PLCB1: variants seen among roughly 807,000 people sequenced by gnomAD.
The protein encoded by PLCB1 is phospholipase C beta 1, also known as 1-phosphatidylinositol 4,5-bisphosphate phosphodiesterase beta-1.
PLCB1 carries 46 observed loss-of-function variants against 161.8 expected under a neutral mutation model. That is an observed-to-expected ratio of 0.28 (90% CI 0.22 to 0.36). The LOEUF (loss-of-function observed/expected upper bound fraction) is 0.36. PLCB1 is among the 10% of genes least tolerant of loss of function. The pLI is 1.00. For missense variants in PLCB1, 1,016 were observed against 1,472.5 expected (o/e 0.69, Z 5.07); for synonymous variants, 517 against 503.7 (o/e 1.03, Z -0.35).
intron 3 of PLCB1, among the ~76,000 whole-genome samples, chr20:8,391,953 C>G (rs1484820130): frequency 6.6e-6 from 1 of 151,450 alleles, no homozygotes; most frequent in Non-Finnish European, 1.5e-5. Flanking sequence ...ACGAAAGAAA[C>G]ATTTTGAAAT....
intron 1 of PLCB1, among the ~76,000 whole-genome samples, chr20:8,138,057 G>A (rs2051366424): frequency 6.6e-6 from 1 of 152,224 alleles, no homozygotes; most frequent in Admixed American, 6.5e-5. Context: ...GTAATTTACA[G>A]AGGAAATGTA....
intron 2 of PLCB1, among the ~76,000 whole-genome samples, chr20:8,348,459 G>A (rs1056408875): frequency 6.6e-6 from 1 of 152,156 alleles, no homozygotes; most frequent in African/African-American, 2.4e-5. Flanking sequence ...TTAAAGGTGG[G>A]GACATGGGGT....
intron 22 of PLCB1, 59 bp downstream of exon 22, chr20:8,740,507 A>G (rs545333981): frequency 4.8e-5 from 47 of 987,734 alleles, no homozygotes; most frequent in South Asian, 7.1e-5. Context: ...CTGAGTCACC[A>G]TATATTTTTG....
At chr20:8,376,501 G>A (rs1987086355) in intron 3 of PLCB1, among the ~76,000 whole-genome samples, 1 of 152,192 alleles carries the variant, frequency 6.6e-6, no homozygotes, top group African/African-American at 2.4e-5. Flanking sequence ...AAGTCATTGA[G>A]TGACTCTTTC....
chr20:8,551,832 T>G (rs1032934092), intron 3 of PLCB1, among the ~76,000 whole-genome samples: 3 of 152,120 alleles, frequency 2.0e-5, no homozygotes, highest in Non-Finnish European at 4.4e-5. Flanking sequence ...AAACTATTTC[T>G]CTAGAACTCT....
At chr20:8,200,779 A>T (rs2052084073) in intron 2 of PLCB1, among the ~76,000 whole-genome samples, 1 of 152,018 alleles carries the variant, frequency 6.6e-6, no homozygotes. Flanking sequence ...ATACTGAATA[A>T]AAGCAGTATT....
intron 3 of PLCB1, among the ~76,000 whole-genome samples, chr20:8,601,246 G>A (rs879391543): frequency 6.6e-6 from 1 of 152,164 alleles, no homozygotes; most frequent in Admixed American, 6.5e-5. Flanking sequence ...TAAGTTCAGG[G>A]GTATATGCGC....
intron 2 of PLCB1, among the ~76,000 whole-genome samples, chr20:8,206,006 A>G (rs970398701): frequency 1.3e-5 from 2 of 151,178 alleles, no homozygotes; most frequent in African/African-American, 2.5e-5. Context: ...TCCAATAAAA[A>G]CTTTGTTATG....
At chr20:8,370,284 A>G (rs567807312) in intron 2 of PLCB1, among the ~76,000 whole-genome samples, 1 of 152,292 alleles carries the variant, frequency 6.6e-6, no homozygotes, top group East Asian at 1.9e-4. Flanking sequence ...TTAGCCAGAC[A>G]TTTAGGGTTT....
intron 2 of PLCB1, among the ~76,000 whole-genome samples, chr20:8,312,351 G>C (rs1984444902): frequency 6.6e-6 from 1 of 152,098 alleles, no homozygotes; most frequent in Non-Finnish European, 1.5e-5. Context: ...TCATGGTCCA[G>C]AGCTCTCTGT....
intron 27 of PLCB1, among the ~76,000 whole-genome samples, chr20:8,775,142 A>T (rs1982886555): frequency 6.9e-6 from 1 of 145,172 alleles, no homozygotes; most frequent in Non-Finnish European, 1.5e-5. Flanking sequence ...TATACAGTAC[A>T]CTGTCCTATA....
intron 2 of PLCB1, among the ~76,000 whole-genome samples, chr20:8,277,674 A>G (rs940017027): frequency 6.6e-6 from 1 of 152,206 alleles, no homozygotes; most frequent in African/African-American, 2.4e-5. Context: ...ATATTACAGA[A>G]CTAATATAGT....
At position 8,882,891 on chromosome 20, in the gene PLCB1, A is replaced by G. The variant is rs769749187; in HGVS notation, c.*1042A>G. The G allele has an allele frequency of 6.5e-6, 1 of 152,776 alleles. No homozygotes were observed. The highest frequency in any genetic ancestry group is 3.4e-3 in the Middle Eastern group (1 of 294). 9.5% of individuals were successfully genotyped at this position (152,776 alleles called of 1,614,324 possible). On this transcript the variant is annotated 3_prime_UTR_variant, in exon 32 of 32. Coordinates refer to ENST00000338037, the MANE Select transcript of PLCB1 (RefSeq NM_015192.4). ...CCCACTTAGTCATGTAAGTGCATAT[A>G]CACATACACACACATGAGTGTAGAC...
intron 3 of PLCB1, among the ~76,000 whole-genome samples, chr20:8,375,822 G>A (rs918364273): frequency 1.3e-5 from 2 of 151,496 alleles, no homozygotes; most frequent in African/African-American, 2.4e-5. Flanking sequence ...CTTGATTCCA[G>A]CTTTTAAATT....
chr20:8,137,282 TGA>T lies in PLCB1; in HGVS notation c.99+4538_99+4539del, dbSNP rs529657780. Reference sequence around the variant, plus strand: ...GACAAGATGACACTCACAAGATTAATGAGAGAGCAGAGGGGAAAAGGGTTTGC... The same window carrying T: ...GACAAGATGACACTCACAAGATTAATGAGAGCAGAGGGGAAAAGGGTTTGC... On this transcript the variant is annotated intron_variant, in intron 1 of 31. Transcript: ENST00000338037. Among the ~76,000 whole-genome samples the T allele has an allele frequency of 5.9e-5, 9 of 152,246 alleles. No individual in the cohort carries two copies. The South Asian group carries it at 1.5e-3, about 25-fold the overall frequency.
intron 2 of PLCB1, among the ~76,000 whole-genome samples, chr20:8,293,570 G>C (rs1364150203): frequency 2.0e-5 from 3 of 152,002 alleles, no homozygotes; most frequent in African/African-American, 7.3e-5. Context: ...TGGTACACTG[G>C]AAGTCTGGTG....
At chr20:8,511,474 C>G (rs983352389) in intron 3 of PLCB1, among the ~76,000 whole-genome samples, 2 of 152,140 alleles carry the variant, frequency 1.3e-5, no homozygotes, top group Non-Finnish European at 2.9e-5. Flanking sequence ...AATAATACTT[C>G]AAGAACATAG....
chr20:8,151,335 T>G (rs926870901), intron 2 of PLCB1, among the ~76,000 whole-genome samples: 1 of 152,232 alleles, frequency 6.6e-6, no homozygotes, highest in African/African-American at 2.4e-5. Flanking sequence ...TGGAGTTGCC[T>G]GTCAGCTTTG....
At chr20:8,392,500 G>A (rs1272754393) in intron 3 of PLCB1, among the ~76,000 whole-genome samples, 1 of 151,992 alleles carries the variant, frequency 6.6e-6, no homozygotes, top group African/African-American at 2.4e-5. Flanking sequence ...GAATAACCTG[G>A]GTAGAGTCAT....
Sources: allele counts gnomAD v4.1 joint callset (sites outside exome capture counted in the v4.1 genomes callset), GRCh38; gene constraint gnomAD v4.1.1; transcripts MANE v1.5; gene names NCBI Gene and HGNC (gene_info 2026-07-23, HGNC 2026-07-21).